KLC2: variants seen among roughly 807,000 people sequenced by gnomAD.
The protein encoded by KLC2 is kinesin light chain 2.
Under a neutral mutation model 75.1 loss-of-function variants are expected in KLC2, and 35 were observed. The ratio of observed to expected loss-of-function variants is 0.47; its 90% CI spans 0.36 to 0.62. KLC2 has a LOEUF of 0.62. Ranked by LOEUF, KLC2 falls within the 20% of genes least tolerant of loss-of-function variation. The probability of loss-of-function intolerance (pLI) is 0.00; values close to 1 mark genes in which losing one functional copy is unlikely to be tolerated. For missense variants in KLC2, 611 were observed against 833.2 expected (o/e 0.73, Z 3.28); for synonymous variants, 314 against 336.7 (o/e 0.93, Z 0.74).
chr11:66,248,735 TTTG>T, the KLC2 span, among the ~76,000 whole-genome samples: 1 of 152,074 alleles, frequency 6.6e-6, no homozygotes, highest in East Asian at 1.9e-4. Flanking sequence ...TGTCTTCTTT[TTTG>T]TTGTTGATTT....
chr11:66,262,884 C>T lies in KLC2; in HGVS notation c.600C>T (p.Thr200=), dbSNP rs758804977. 22 of 1,613,786 alleles carry T rather than the reference C, an allele frequency of 1.4e-5. No homozygotes were observed. Among genetic ancestry groups the T allele is most frequent in the Non-Finnish European group, 1.7e-5 (20 of 1,179,962 alleles). The change falls in exon 5 of 16, where the codon ACC becomes ACT. Residue 200 remains threonine (T), a synonymous_variant. Coordinates refer to ENST00000394067, the MANE Select transcript of KLC2 (RefSeq NM_001318734.2). ...ACGAGATCCCGGCCCGGCTCCGCAC[C>T]CTGCACAACCTGGTGATCCAATACG... ...GGYEIPARLR[T]LHNLVIQYAS... is the part of the protein sequence containing the mutation.
rs373001682 is a variant in KLC2, at chr11:66,266,503, G to C, written c.1785+13G>C. 3.7e-6 allele frequency: 6 copies of C among 1,613,662 alleles called. No individual in the cohort carries two copies. Among genetic ancestry groups the C allele is most frequent in the Non-Finnish European group, 5.1e-6 (6 of 1,179,744 alleles). ...AGAGCCGACCCAGGTAGGGGCAGGC[G>C]GGTGTCTGGGCACTGGGCAGCTGCG... is the stretch of plus-strand genomic sequence containing the variant. On this transcript the variant is annotated intron_variant, in intron 15 of 15. Transcript: ENST00000394067.
At chr11:66,262,718 G>A in intron 4 of KLC2, 96 bp from the exon 5 acceptor site, 2 of 835,554 alleles carry the variant, frequency 2.4e-6, no homozygotes, top group Non-Finnish European at 3.9e-6. Flanking sequence ...ACTTGCCCAG[G>A]GCCATGTGTC....
intron 2 of KLC2, among the ~76,000 whole-genome samples, chr11:66,260,716 C>T (rs997897231): frequency 1.3e-5 from 2 of 152,096 alleles, no homozygotes; most frequent in South Asian, 2.1e-4. Context: ...CCTGCCTCAG[C>T]CTCCTGAGTA....
intron 1 of KLC2, chr11:66,258,243 G>A (rs1387625090): frequency 1.2e-5 from 3 of 249,248 alleles, no homozygotes. Flanking sequence ...TCGCCGGAGG[G>A]GCCAGGGTCT....
chr11:66,266,704 G>C, intron 15 of KLC2, 169 bp from the exon 16 acceptor site: 1 of 839,514 alleles, frequency 1.2e-6, no homozygotes, highest in Non-Finnish European at 2.0e-6. Flanking sequence ...TCACTGTGGA[G>C]ATGGACGGGA....
upstream of KLC2, among the ~76,000 whole-genome samples, chr11:66,255,984 T>G (rs1015169253): frequency 6.6e-6 from 1 of 152,062 alleles, no homozygotes; most frequent in South Asian, 2.1e-4. Flanking sequence ...CAAGCTGGTC[T>G]CAAACTCCTG....
chr11:66,252,430 ATT>A (rs72242480), upstream of KLC2, among the ~76,000 whole-genome samples: 291 of 81,622 alleles, frequency 3.6e-3, 76 homozygotes, highest in Non-Finnish European at 1.2e-3. Context: ...TGCCCGGCTA[ATT>A]TTTTGTATTT....
intron 15 of KLC2, 164 bp downstream of exon 15, chr11:66,266,654 C>G (rs973299766): frequency 1.1e-6 from 1 of 875,288 alleles, no homozygotes; most frequent in South Asian, 1.4e-5. Flanking sequence ...AACCCAGCCT[C>G]TCCTGGGGGT....
rs200998467 is a variant in KLC2 at position 66,267,210 on chromosome 11, C to T, written c.*254C>T. 82 of 1,543,906 alleles carry T rather than the reference C, an allele frequency of 5.3e-5. No individual in the cohort carries two copies. The highest frequency in any genetic ancestry group is 1.4e-4 in the African/African-American group (10 of 72,978). The stretch of plus-strand genomic sequence containing the variant: ...CTAGGTTCGGGCCAGCAGGAGGTGC[C>T]GGCTGGAGTCTCCACCATAGACTCA... On this transcript the variant is annotated 3_prime_UTR_variant, in exon 16 of 16. Coordinates refer to ENST00000394067, the MANE Select transcript of KLC2 (RefSeq NM_001318734.2).
chr11:66,262,043 A>G, intron 3 of KLC2, 71 bp downstream of exon 3: 1 of 1,583,002 alleles, frequency 6.3e-7, no homozygotes, highest in East Asian at 2.2e-5. Context: ...CATGGAGCAG[A>G]TTCGGCTCCA....
At chr11:66,256,941 G>A (rs750096523), upstream of KLC2, among the ~76,000 whole-genome samples, 1 of 152,192 alleles carries the variant, frequency 6.6e-6, no homozygotes, top group Non-Finnish European at 1.5e-5. Context: ...GAGAAATTGG[G>A]ATGGGGAAGG....
chr11:66,261,704 C>G (rs563525858), intron 2 of KLC2, 38 bp from the exon 3 acceptor site: 39 of 1,433,738 alleles, frequency 2.7e-5, no homozygotes, highest in Non-Finnish European at 3.7e-5. Context: ...GCGAGGGGGT[C>G]GACAGGCCTC....
intron 9 of KLC2, 35 bp from the exon 10 acceptor site, chr11:66,264,988 T>C (rs751621481): frequency 2.9e-5 from 46 of 1,609,336 alleles, no homozygotes; most frequent in Non-Finnish European, 3.7e-5. Context: ...GAGACCTATA[T>C]GGTAGGCTGG....
intron 2 of KLC2, among the ~76,000 whole-genome samples, chr11:66,260,291 G>C (rs1313927454): frequency 6.6e-6 from 1 of 152,270 alleles, no homozygotes; most frequent in South Asian, 2.1e-4. Context: ...CTCCCTGCCA[G>C]TTGGCCGTCA....
chr11:66,248,146 G>A, the KLC2 span, among the ~76,000 whole-genome samples: 2 of 152,192 alleles, frequency 1.3e-5, no homozygotes, highest in Non-Finnish European at 2.9e-5. Context: ...GCCAACTCCA[G>A]ACTGGTTTTA....
chr11:66,267,439 T>C lies in KLC2; in HGVS notation c.*483T>C, dbSNP rs1449588539. 1 of 716,998 alleles carries C rather than the reference T, an allele frequency of 1.4e-6. No individual in the cohort carries two copies. The highest frequency in any genetic ancestry group is 1.7e-5 in the African/African-American group (1 of 57,302). 44.4% of individuals were successfully genotyped at this position (716,998 alleles called of 1,614,324 possible). A position where few individuals can be genotyped will look rare whatever the true frequency, so the allele number is the denominator to read the frequency against. ...TCTAGTGGTACCGCCCAGGCCTTAA[T>C]CACCCCCATTCCGTGCGGTGGTATC... On this transcript the variant is annotated 3_prime_UTR_variant, in exon 16 of 16. Coordinates refer to ENST00000394067, the MANE Select transcript of KLC2 (RefSeq NM_001318734.2).
the KLC2 span, among the ~76,000 whole-genome samples, chr11:66,252,292 T>TTTG: frequency 6.6e-6 from 1 of 152,094 alleles, no homozygotes; most frequent in Non-Finnish European, 1.5e-5. Flanking sequence ...TGTTTGTTTG[T>TTTG]TTTTGGTTTT....
Position 66,266,233 on chromosome 11 carries a change from AG to A in KLC2, c.1727+18del. 1 of 1,589,056 alleles carries A rather than the reference AG, an allele frequency of 6.3e-7. No individual in the cohort carries two copies. The highest frequency in any genetic ancestry group is 8.6e-7 in the Non-Finnish European group (1 of 1,167,160). ...CTAACCCCAGGTGAGCCCCCCACCA[AG>A]GTGAGCCTCAAGAACCACCCAGCAA... On this transcript the variant is annotated intron_variant, in intron 14 of 15. Transcript: ENST00000394067.
Sources: gnomAD v4.1 joint callset for allele counts (sites outside exome capture counted in the v4.1 genomes callset) on GRCh38, gnomAD v4.1.1 for gene constraint, MANE v1.5 for transcripts, NCBI Gene and HGNC (gene_info 2026-07-23, HGNC 2026-07-21) for gene names.